UBR3: variants seen among roughly 807,000 people sequenced by gnomAD.
UBR3 encodes the protein E3 ubiquitin-protein ligase UBR3.
A neutral mutation model predicts 243.2 loss-of-function variants in UBR3; 85 were observed. The observed-to-expected ratio is 0.35, with a 90% CI of 0.29 to 0.42. The LOEUF (loss-of-function observed/expected upper bound fraction) is 0.42. UBR3 is among the 10% of genes least tolerant of loss of function. UBR3 has a pLI of 1.00. For synonymous variants in UBR3, 748 were observed against 799.8 expected, an observed-to-expected ratio of 0.94 and a Z score of 1.09; for missense variants, 1,686 against 2,300.8, an observed-to-expected ratio of 0.73 and a Z score of 5.47.
chr2:169,903,729 A>T lies in UBR3; in HGVS notation c.1466-1385A>T, dbSNP rs2084913965. On this transcript the variant is annotated intron_variant, in intron 8 of 38. Transcript: ENST00000272793. ...AGTTGGTTAAAGTGAGGAATCATTTAAAAAATATGAGCCGGGTGTGGTGGC... is the reference window on the plus strand; with the variant it reads ...AGTTGGTTAAAGTGAGGAATCATTTTAAAAATATGAGCCGGGTGTGGTGGC... Among the ~76,000 whole-genome samples the T allele has an allele frequency of 2.0e-5, 3 of 152,278 alleles. No individual in the cohort carries two copies. In the South Asian group the frequency reaches 6.2e-4, roughly 32 times the overall value.
At chr2:170,052,309 A>G (rs190752039) in intron 32 of UBR3, among the ~76,000 whole-genome samples, 3 of 152,302 alleles carry the variant, frequency 2.0e-5, no homozygotes, top group Admixed American at 2.0e-4. Flanking sequence ...AAAAACTAAA[A>G]TAGAACTACT....
chr2:169,929,449 G>T (rs2086037771), intron 18 of UBR3, among the ~76,000 whole-genome samples: 1 of 152,074 alleles, frequency 6.6e-6, no homozygotes, highest in South Asian at 2.1e-4. Flanking sequence ...GGTGGCAGGT[G>T]CCTGTAATCC....
At chr2:169,922,918 T>C (rs758182372) in intron 11 of UBR3, among the ~76,000 whole-genome samples, 4 of 152,186 alleles carry the variant, frequency 2.6e-5, no homozygotes, top group Non-Finnish European at 5.9e-5. Context: ...TTAGACTCCT[T>C]ATAACCTCTA....
chr2:169,842,462 C>T (rs1321203080), intron 1 of UBR3, among the ~76,000 whole-genome samples: 8 of 151,722 alleles, frequency 5.3e-5, no homozygotes, highest in African/African-American at 1.7e-4. Context: ...CTCGGGTCCC[C>T]TTCCACACTG....
chr2:169,886,114 G>A lies in UBR3; in HGVS notation c.1039-5051G>A, dbSNP rs181256081. Among the ~76,000 whole-genome samples the A allele has an allele frequency of 1.3e-3, 187 of 146,778 alleles. 2 individuals are homozygous for A. The highest frequency in any genetic ancestry group is 2.3e-3 in the Non-Finnish European group (158 of 67,274). The stretch of plus-strand genomic sequence containing the variant: ...GGAGGTTGAAGTGAGCCGAGATCGC[G>A]CCACTGCACCCCAGCCTGCGCGACA... On this transcript the variant is annotated intron_variant, in intron 5 of 38. Transcript: ENST00000272793.
At chr2:170,052,789 A>G (rs1345735352) in intron 32 of UBR3, among the ~76,000 whole-genome samples, 1 of 152,210 alleles carries the variant, frequency 6.6e-6, no homozygotes, top group Non-Finnish European at 1.5e-5. Flanking sequence ...TAGCTGTAAT[A>G]TTCTCTTGTA....
intron 27 of UBR3, 28 bp downstream of exon 27, chr2:170,001,442 G>C (rs1269027225): frequency 7.9e-6 from 11 of 1,390,534 alleles, no homozygotes; most frequent in Non-Finnish European, 1.1e-5. Flanking sequence ...ATTTTTTAAA[G>C]GTGCATGTAT....
chr2:170,073,416 C>T lies in UBR3; in HGVS notation c.5020-12C>T. 6.2e-7 allele frequency: 1 copy of T among 1,612,814 alleles called. No individual in the cohort carries two copies. The highest frequency in any genetic ancestry group is 2.2e-5 in the East Asian group (1 of 44,834). On this transcript the variant is annotated splice_polypyrimidine_tract_variant and intron_variant, in intron 35 of 38. Transcript: ENST00000272793. ...GAAATATTTTCAGAATTTCCTATTTCATGTCTAAAAGGAAGAAGAAGAATT... is the reference window on the plus strand; with the variant it reads ...GAAATATTTTCAGAATTTCCTATTTTATGTCTAAAAGGAAGAAGAAGAATT...
At chr2:169,995,201 A>G (rs777337734) in intron 26 of UBR3, among the ~76,000 whole-genome samples, 1 of 152,188 alleles carries the variant, frequency 6.6e-6, no homozygotes, top group Non-Finnish European at 1.5e-5. Flanking sequence ...GTGAACCCGC[A>G]TATTTGTTAT....
intron 18 of UBR3, among the ~76,000 whole-genome samples, chr2:169,930,395 T>C (rs1247677275): frequency 1.3e-5 from 2 of 152,044 alleles, no homozygotes; most frequent in African/African-American, 4.8e-5. Context: ...TTTTTTTTGT[T>C]ATTTTTTTGG....
chr2:169,871,253 A>G (rs1280424927), intron 1 of UBR3, among the ~76,000 whole-genome samples: 2 of 152,036 alleles, frequency 1.3e-5, no homozygotes, highest in African/African-American at 4.8e-5. Context: ...AGAGTTGTAC[A>G]TCAGCCTTGG....
intron 1 of UBR3, among the ~76,000 whole-genome samples, chr2:169,836,165 C>T (rs1157325512): frequency 7.0e-6 from 1 of 142,942 alleles, no homozygotes; most frequent in Non-Finnish European, 1.5e-5. Flanking sequence ...CTCACTGCAA[C>T]CTCCGCCTCC....
At chr2:170,078,209 C>T (rs1456624685) in intron 36 of UBR3, 2 of 501,936 alleles carry the variant, frequency 4.0e-6, no homozygotes, top group Non-Finnish European at 7.6e-6. Flanking sequence ...AGCCTCTCAA[C>T]TTTCCTTCTT....
chr2:169,939,934 T>A (rs1341774464), intron 19 of UBR3, among the ~76,000 whole-genome samples: 1 of 152,190 alleles, frequency 6.6e-6, no homozygotes, highest in Admixed American at 6.5e-5. Flanking sequence ...TCATTGCTGT[T>A]GTTTCAGTGC....
chr2:169,927,258 A>G (rs534419338), intron 16 of UBR3, 62 bp from the exon 17 acceptor site: 1 of 1,410,956 alleles, frequency 7.1e-7, no homozygotes, highest in African/African-American at 1.4e-5. Flanking sequence ...AAGTGTGGTA[A>G]GTTTTTTTCT....
At chr2:169,959,780 C>A (rs371274862) in intron 24 of UBR3, among the ~76,000 whole-genome samples, 221 of 152,154 alleles carry the variant, frequency 1.5e-3, no homozygotes, top group African/African-American at 5.1e-3. Context: ...GGCTGAAAAC[C>A]CCCAAGAGGC....
chr2:170,007,317 T>C lies in UBR3; in HGVS notation c.4230+127T>C, dbSNP rs1217442217. ...TAGTAGAAATTGCTTTTAGAGGTTTTGTTCTCTTCTATTTATACTTAAATA... is the reference window on the plus strand; with the variant it reads ...TAGTAGAAATTGCTTTTAGAGGTTTCGTTCTCTTCTATTTATACTTAAATA... On this transcript the variant is annotated intron_variant, in intron 28 of 38. Coordinates refer to ENST00000272793, the MANE Select transcript of UBR3 (RefSeq NM_172070.4). 5 of 938,588 alleles carry C rather than the reference T, an allele frequency of 5.3e-6. No individual in the cohort carries two copies. In the East Asian group the frequency reaches 1.3e-4, roughly 25 times the overall value. The allele number at this position is 938,588 out of a possible 1,614,324, so 58.1% of individuals were successfully genotyped here. A position where few individuals can be genotyped will look rare whatever the true frequency, so the allele number is the denominator to read the frequency against.
Position 169,846,322 on chromosome 2 carries a change from A to G in UBR3, c.545+18270A>G, listed in dbSNP as rs1218639061. 4.6e-5 allele frequency among the ~76,000 whole-genome samples: 7 copies of G among 152,084 alleles called. 1 individual carries two copies. The highest frequency in any genetic ancestry group is 4.6e-4 in the Admixed American group (7 of 15,268). On this transcript the variant is annotated intron_variant, in intron 1 of 38. Coordinates refer to ENST00000272793, the MANE Select transcript of UBR3 (RefSeq NM_172070.4). Reference sequence around the variant, plus strand: ...TATAATGTCCTTTTTATTCCTGGCAATATTCCTTATTCTTTAGTCTGTTTT... The same window carrying G: ...TATAATGTCCTTTTTATTCCTGGCAGTATTCCTTATTCTTTAGTCTGTTTT...
intron 35 of UBR3, among the ~76,000 whole-genome samples, chr2:170,066,187 A>C (rs1352119113): frequency 6.6e-6 from 1 of 152,214 alleles, no homozygotes; most frequent in Non-Finnish European, 1.5e-5. Context: ...GAAATAATCA[A>C]GAATGGTAAC....
Sources: gnomAD v4.1 joint callset for allele counts (sites outside exome capture counted in the v4.1 genomes callset) on GRCh38, gnomAD v4.1.1 for gene constraint, MANE v1.5 for transcripts, NCBI Gene and HGNC (gene_info 2026-07-23, HGNC 2026-07-21) for gene names.